The following DGKI variants were observed in gnomAD, a reference collection of about 807,000 sequenced individuals.
DGKI encodes DAG kinase iota.
DGKI carries 55 observed loss-of-function variants against 147.5 expected under a neutral mutation model. The observed-to-expected ratio is 0.37, with a 90% confidence interval of 0.30 to 0.47. The LOEUF (loss-of-function observed/expected upper bound fraction) is 0.47. Ranked by LOEUF, DGKI falls within the 20% of genes least tolerant of loss-of-function variation. The pLI is 1.00. For missense variants in DGKI, 1,007 were observed against 1,323.8 expected (o/e 0.76, Z 3.71); for synonymous variants, 469 against 477.1 (o/e 0.98, Z 0.22).
At chr7:137,392,747 C>G (rs1811411019) in intron 32 of DGKI, among the ~76,000 whole-genome samples, 2 of 152,128 alleles carry the variant, frequency 1.3e-5, no homozygotes, top group Non-Finnish European at 2.9e-5. Context: ...GTTGGAATTT[C>G]CAGGTTCCAA....
intron 23 of DGKI, among the ~76,000 whole-genome samples, chr7:137,479,010 C>G (rs1439493648): frequency 6.6e-6 from 1 of 152,212 alleles, no homozygotes; most frequent in Admixed American, 6.5e-5. Context: ...AGCTGTGCCT[C>G]TAACCATCAT....
intron 21 of DGKI, among the ~76,000 whole-genome samples, chr7:137,504,535 G>T (rs988224859): frequency 1.3e-5 from 2 of 152,086 alleles, no homozygotes; most frequent in African/African-American, 4.8e-5. Context: ...TAAAAAGTCA[G>T]AAAATAGGAA....
Position 137,391,352 on chromosome 7 carries a change from G to GA in DGKI, c.3058-17dup. 1.1e-5 allele frequency: 15 copies of GA among 1,398,154 alleles called. No homozygotes were observed. Among genetic ancestry groups the GA allele is most frequent in the South Asian group, 7.3e-5 (5 of 68,702 alleles). 86.6% of individuals were successfully genotyped at this position (1,398,154 alleles called of 1,614,324 possible). Reference sequence around the variant, plus strand: ...GTGTCTTACCCTATACGAAAATAGTGAGAAAAAAAAAAAGAGAGAGAGAGA... The same window carrying GA: ...GTGTCTTACCCTATACGAAAATAGTGAAGAAAAAAAAAAAGAGAGAGAGAGA... On this transcript the variant is annotated splice_polypyrimidine_tract_variant and intron_variant, in intron 32 of 32. Transcript: ENST00000614521.
chr7:137,633,422 T>C (rs1821205235), intron 6 of DGKI, among the ~76,000 whole-genome samples: 1 of 152,206 alleles, frequency 6.6e-6, no homozygotes, highest in Non-Finnish European at 1.5e-5. Flanking sequence ...ACCATCCTTC[T>C]AGCCATAACT....
rs549600893 is a variant in DGKI, at chr7:137,465,943, C to T, written c.2577G>A (p.Pro859=). The T allele has an allele frequency of 1.5e-4, 243 of 1,614,124 alleles. No individual in the cohort carries two copies. In the South Asian group the frequency reaches 2.2e-3, roughly 15 times the overall value. ...GTTCCACCACCAGGTCAGGCATGCC[C>T]GGAGGTGTCCCCGCCGGCTGTGACA... is the stretch of plus-strand genomic sequence containing the variant. ...MVVSQPAGTP[P]GMPDLVVEQA... Residue 859 remains proline (P), a synonymous_variant, in exon 26 of 33, where the codon CCG becomes CCA. Coordinates refer to ENST00000614521, the MANE Select transcript of DGKI (RefSeq NM_001321708.2).
intron 1 of DGKI, among the ~76,000 whole-genome samples, chr7:137,748,275 A>G (rs1795401698): frequency 6.6e-6 from 1 of 152,018 alleles, no homozygotes; most frequent in African/African-American, 2.4e-5. Context: ...ATCACTCCAC[A>G]TATAATACTA....
intron 28 of DGKI, among the ~76,000 whole-genome samples, chr7:137,420,625 A>G (rs1338174931): frequency 6.8e-6 from 1 of 147,430 alleles, no homozygotes; most frequent in African/African-American, 2.5e-5. Flanking sequence ...TTTGGAGAAG[A>G]AAAAAAAAAA....
intron 20 of DGKI, among the ~76,000 whole-genome samples, chr7:137,534,479 T>C (rs1373889549): frequency 6.6e-6 from 1 of 152,096 alleles, no homozygotes; most frequent in Non-Finnish European, 1.5e-5. Context: ...AATCATGCTT[T>C]AGGAATTCAG....
chr7:137,581,818 C>T, intron 15 of DGKI, 32 bp downstream of exon 15: 1 of 1,584,336 alleles, frequency 6.3e-7, no homozygotes, highest in Non-Finnish European at 8.7e-7. Context: ...AAACTTCCTC[C>T]CTGGGAGATG....
At chr7:137,558,407 G>T (rs1336611939) in intron 19 of DGKI, among the ~76,000 whole-genome samples, 1 of 152,122 alleles carries the variant, frequency 6.6e-6, no homozygotes, top group Non-Finnish European at 1.5e-5. Context: ...CTGAGTAGCT[G>T]GGACTACAGG....
Position 137,396,736 on chromosome 7 carries a change from G to A in DGKI, c.2957+641C>T, listed in dbSNP as rs191226135. On this transcript the variant is annotated intron_variant, in intron 31 of 32. Transcript: ENST00000614521. ...ATACCTTTTCAAATATGGCTTTCAG[G>A]ATTAGTTGTACAGCCTATCTTTGTT... Among the ~76,000 whole-genome samples the A allele has an allele frequency of 5.9e-3, 901 of 152,254 alleles. 2 individuals are homozygous for A. Among genetic ancestry groups the A allele is most frequent in the Non-Finnish European group, 9.0e-3 (615 of 68,016 alleles).
intron 27 of DGKI, among the ~76,000 whole-genome samples, chr7:137,453,701 T>C (rs928676165): frequency 2.0e-5 from 3 of 152,018 alleles, no homozygotes; most frequent in African/African-American, 7.3e-5. Context: ...AGGGAAGGGG[T>C]GCAGAAAGAG....
intron 1 of DGKI, among the ~76,000 whole-genome samples, chr7:137,698,789 A>G (rs1482806624): frequency 6.6e-6 from 1 of 152,204 alleles, no homozygotes; most frequent in East Asian, 1.9e-4. Flanking sequence ...GGTAAGCCAT[A>G]CAGTGAATCA....
At chr7:137,756,563 G>C (rs1336793827) in intron 1 of DGKI, among the ~76,000 whole-genome samples, 4 of 152,126 alleles carry the variant, frequency 2.6e-5, no homozygotes, top group Non-Finnish European at 4.4e-5. Flanking sequence ...CTCCAGCCTG[G>C]GGTTGACAAA....
intron 16 of DGKI, 59 bp from the exon 17 acceptor site, chr7:137,577,343 T>C (rs1819019904): frequency 3.4e-6 from 4 of 1,188,926 alleles, no homozygotes; most frequent in African/African-American, 1.5e-5. Context: ...TACCAAATCC[T>C]TGCTTCCATA....
intron 21 of DGKI, among the ~76,000 whole-genome samples, chr7:137,515,647 T>C (rs1396247466): frequency 6.6e-6 from 1 of 152,124 alleles, no homozygotes; most frequent in Non-Finnish European, 1.5e-5. Context: ...AGTGATTAAA[T>C]AAGTATTCAA....
At chr7:137,640,106 TG>T (rs1257626117) in intron 6 of DGKI, among the ~76,000 whole-genome samples, 4 of 151,998 alleles carry the variant, frequency 2.6e-5, no homozygotes, top group African/African-American at 9.7e-5. Flanking sequence ...GGCACTATGG[TG>T]TACAGTAGAT....
chr7:137,758,528 A>C (rs7792539), intron 1 of DGKI, among the ~76,000 whole-genome samples: 8,354 of 152,138 alleles, frequency 0.055, 248 homozygotes, highest in East Asian at 0.11. Flanking sequence ...TCTACTAAAA[A>C]TATAAAAATT....
chr7:137,516,684 T>A lies in DGKI; in HGVS notation c.2248+5182A>T, dbSNP rs929412213. ...TATGTTATAATGTTGGATTTTCTAG[T>A]TTCATCTTTCAATGACTAACATCTA... On this transcript the variant is annotated intron_variant, in intron 21 of 32. Transcript: ENST00000614521. Among the ~76,000 whole-genome samples the A allele has an allele frequency of 8.5e-5, 13 of 152,092 alleles. 1 individual carries two copies. Among genetic ancestry groups the A allele is most frequent in the Non-Finnish European group, 1.8e-4 (12 of 67,980 alleles).
Sources: allele counts gnomAD v4.1 joint callset (sites outside exome capture counted in the v4.1 genomes callset), GRCh38; gene constraint gnomAD v4.1.1; transcripts MANE v1.5; gene names NCBI Gene and HGNC (gene_info 2026-07-23, HGNC 2026-07-21).